The following PTGES3L variants were observed in gnomAD, a reference collection of about 807,000 sequenced individuals.
The protein encoded by PTGES3L is putative protein PTGES3L.
Under a neutral mutation model 25.0 loss-of-function variants are expected in PTGES3L, and 17 were observed. The observed-to-expected ratio is 0.68, with a 90% confidence interval of 0.47 to 1.02. The LOEUF (loss-of-function observed/expected upper bound fraction) is 1.02, where lower values mean the gene tolerates loss of function less well. PTGES3L is among the 50% of genes least tolerant of loss of function. PTGES3L has a pLI of 0.00. For synonymous variants in PTGES3L, 59 were observed against 65.7 expected (o/e 0.90, Z 0.50); for missense variants, 202 against 197.5 (o/e 1.02, Z -0.14).
At chr17:42,977,845 G>C (rs773414426) in intron 4 of PTGES3L, among the ~76,000 whole-genome samples, 1 of 151,900 alleles carries the variant, frequency 6.6e-6, no homozygotes, top group East Asian at 1.9e-4. Context: ...TTAGGAGGCC[G>C]ATGCAGGTGG....
Position 42,979,312 on chromosome 17 carries a change from T to C in PTGES3L, c.190-44A>G, listed in dbSNP as rs1278734163. 4.3e-6 allele frequency: 7 copies of C among 1,614,034 alleles called. No homozygotes were observed. The South Asian group carries it at 7.7e-5, about 18-fold the overall frequency. The stretch of plus-strand genomic sequence containing the variant: ...CATTCTTAGGGTCTGGGGTTTAGAA[T>C]TAATCTCCAGTTTCCCTGGGCAGCC... On this transcript the variant is annotated intron_variant, in intron 3 of 6. Transcript: ENST00000591916.
chr17:42,976,480 G>A (rs897792928), intron 4 of PTGES3L, among the ~76,000 whole-genome samples: 3 of 152,052 alleles, frequency 2.0e-5, no homozygotes, highest in Non-Finnish European at 4.4e-5. Flanking sequence ...CCAGGTTCAA[G>A]CGATTATTCT....
At position 42,971,624 on chromosome 17, in the gene PTGES3L, CAT is replaced by C; in HGVS notation, c.359_360del (p.His120ArgfsTer22). 1 of 1,614,062 alleles carries C rather than the reference CAT, an allele frequency of 6.2e-7. No homozygotes were observed. The highest frequency in any genetic ancestry group is 8.5e-7 in the Non-Finnish European group (1 of 1,180,000). On this transcript the variant is annotated frameshift_variant, in exon 5 of 7. Coordinates refer to ENST00000591916, the MANE Select transcript of PTGES3L (RefSeq NM_001261430.2). LOFTEE classifies it high-confidence loss of function. The stretch of plus-strand genomic sequence containing the variant: ...TCTCTCACCTCTGCATAATGTTCCA[CAT>C]GAGCCAGCTCCATCTCTTCATCCCC... ...WEGDEEMELA[H>X]VEHYAELLKK...
chr17:42,971,887 A>G (rs2049843900), intron 4 of PTGES3L, 191 bp from the exon 5 acceptor site: 1 of 570,390 alleles, frequency 1.8e-6, no homozygotes, highest in African/African-American at 1.9e-5. Context: ...GAGTCTGAAA[A>G]TCTCAGAAGT....
In PTGES3L at chr17:42,978,616, A is replaced by G. The variant is rs527788544; in HGVS notation, c.288+554T>C. Among the ~76,000 whole-genome samples the G allele has an allele frequency of 1.5e-4, 23 of 152,356 alleles. No homozygotes were observed. The East Asian group carries it at 4.2e-3, about 28-fold the overall frequency. On this transcript the variant is annotated intron_variant, in intron 4 of 6. Transcript: ENST00000591916. ...AATGTATGCAGGACTTAAAACCTGC[A>G]TGACGGGTTGATAGATGCAGCAAAC...
intron 6 of PTGES3L, 115 bp from the exon 7 acceptor site, chr17:42,969,301 C>T (rs1218939101): frequency 1.7e-6 from 1 of 580,874 alleles, no homozygotes; most frequent in East Asian, 3.0e-5. Context: ...TTTGTGATTT[C>T]CTAAACCACC....
chr17:42,970,895 T>C (rs572376309), intron 5 of PTGES3L, among the ~76,000 whole-genome samples: 1 of 151,816 alleles, frequency 6.6e-6, no homozygotes, highest in African/African-American at 2.4e-5. Flanking sequence ...TAATCCCAGC[T>C]ACTCAGGTGG....
At chr17:42,969,225 C>A in intron 6 of PTGES3L, 39 bp from the exon 7 acceptor site, 1 of 1,058,870 alleles carries the variant, frequency 9.4e-7, no homozygotes, top group Non-Finnish European at 1.4e-6. Flanking sequence ...CACCTGTAGA[C>A]CCTGCAAAGC....
chr17:42,973,044 C>T (rs1326297977), intron 4 of PTGES3L, among the ~76,000 whole-genome samples: 2 of 142,778 alleles, frequency 1.4e-5, no homozygotes, highest in Non-Finnish European at 3.1e-5. Flanking sequence ...AGCGTCTCTG[C>T]CCGGCCGCCC....
chr17:42,974,158 C>T (rs1329767565), intron 4 of PTGES3L, among the ~76,000 whole-genome samples: 3 of 151,550 alleles, frequency 2.0e-5, no homozygotes, highest in Admixed American at 6.6e-5. Context: ...GTCAGGAGTT[C>T]GAGACCAGCC....
At chr17:42,970,157 TG>T in intron 6 of PTGES3L, 131 bp downstream of exon 6, 1 of 1,075,120 alleles carries the variant, frequency 9.3e-7, no homozygotes, top group South Asian at 1.4e-5. Context: ...TTAGCCCTCT[TG>T]GGTCAAACTC....
At chr17:42,979,895 C>T (rs570898984) in intron 1 of PTGES3L, 151 bp downstream of exon 1, 24 of 1,444,604 alleles carry the variant, frequency 1.7e-5, no homozygotes, top group Non-Finnish European at 2.2e-5. Flanking sequence ...GGAGAACATT[C>T]AGGTCACACC....
intron 4 of PTGES3L, among the ~76,000 whole-genome samples, chr17:42,976,019 A>G (rs1276883872): frequency 1.4e-5 from 2 of 147,298 alleles, no homozygotes; most frequent in East Asian, 2.0e-4. Context: ...GTCTCACTCT[A>G]TTGCACAGGC....
At chr17:42,969,684 G>A (rs7222230) in intron 6 of PTGES3L, among the ~76,000 whole-genome samples, 91,000 of 151,652 alleles carry the variant, frequency 0.6, 29,623 homozygotes, top group East Asian at 0.84. Flanking sequence ...TTACAGGCGT[G>A]AGCCACCACA....
chr17:42,970,222 G>A (rs2049807243), intron 6 of PTGES3L, 67 bp downstream of exon 6: 3 of 1,588,140 alleles, frequency 1.9e-6, no homozygotes, highest in Non-Finnish European at 2.6e-6. Flanking sequence ...TGGGATAGGA[G>A]CTCTCTAGTG....
chr17:42,980,071 G>C lies in PTGES3L; in HGVS notation c.-18C>G. On this transcript the variant is annotated 5_prime_UTR_variant, in exon 1 of 7. Transcript: ENST00000591916. The stretch of plus-strand genomic sequence containing the variant: ...CGTGCCATTGCGGCTCCCGCTCCAG[G>C]GTGGCATTTAGAGTTCCAGGCAGGG... 1 of 1,551,456 alleles carries C rather than the reference G, an allele frequency of 6.4e-7. No individual in the cohort carries two copies. Among genetic ancestry groups the C allele is most frequent in the Non-Finnish European group, 8.7e-7 (1 of 1,146,944 alleles).
At position 42,968,308 on chromosome 17, in the gene PTGES3L, A is replaced by G. The variant is rs2049769814; in HGVS notation, c.*840T>C. On this transcript the variant is annotated 3_prime_UTR_variant, in exon 7 of 7. Transcript: ENST00000591916. ...CACTTTGGGAGGCTGAGGTGGGTGGATTACTTGAGGTCAGGAGTTCGAGAC... is the reference window on the plus strand; with the variant it reads ...CACTTTGGGAGGCTGAGGTGGGTGGGTTACTTGAGGTCAGGAGTTCGAGAC... 6.6e-6 allele frequency: 1 copy of G among 151,990 alleles called. No homozygotes were observed. Among genetic ancestry groups the G allele is most frequent in the Non-Finnish European group, 1.5e-5 (1 of 68,018 alleles). 9.4% of individuals were successfully genotyped at this position (151,990 alleles called of 1,614,324 possible).
intron 4 of PTGES3L, among the ~76,000 whole-genome samples, chr17:42,977,724 T>A (rs1253691100): frequency 6.7e-6 from 1 of 148,580 alleles, no homozygotes; most frequent in Non-Finnish European, 1.5e-5. Context: ...AAAGAAAGAA[T>A]AAGACTCATC....
In PTGES3L at chr17:42,978,956, C is replaced by T. The variant is rs560546574; in HGVS notation, c.288+214G>A. On this transcript the variant is annotated intron_variant, in intron 4 of 6. Coordinates refer to ENST00000591916, the MANE Select transcript of PTGES3L (RefSeq NM_001261430.2). Reference sequence around the variant, plus strand: ...CGGAGGCCATGGTGAGCTGAGATCACGCCACTGCACTCCAGCCTGGGCAAC... The same window carrying T: ...CGGAGGCCATGGTGAGCTGAGATCATGCCACTGCACTCCAGCCTGGGCAAC... Among the ~76,000 whole-genome samples the T allele has an allele frequency of 3.9e-5, 6 of 152,172 alleles. No homozygotes were observed. The East Asian group carries it at 9.7e-4, about 24-fold the overall frequency.
Sources: gnomAD v4.1 joint callset for allele counts (sites outside exome capture counted in the v4.1 genomes callset) on GRCh38, gnomAD v4.1.1 for gene constraint, MANE v1.5 for transcripts, NCBI Gene and HGNC (gene_info 2026-07-23, HGNC 2026-07-21) for gene names.